Variants in OPCML observed in about 807,000 individuals in gnomAD.
OPCML encodes the protein opioid-binding protein/cell adhesion molecule.
OPCML carries 13 observed loss-of-function variants against 37.8 expected under a neutral mutation model. That is an observed-to-expected ratio of 0.34 (90% CI 0.22 to 0.55). The LOEUF is 0.55. Among genes scored for constraint, OPCML ranks in the 20% least tolerant of loss-of-function variants. The probability of loss-of-function intolerance (pLI) is 0.91; values close to 1 mark genes in which losing one functional copy is unlikely to be tolerated. For synonymous variants in OPCML, 176 were observed against 168.8 expected (o/e 1.04, Z -0.33); for missense variants, 341 against 435.6 (o/e 0.78, Z 1.93).
chr11:133,371,646 T>G (rs1421356297), intron 1 of OPCML, among the ~76,000 whole-genome samples: 2 of 152,210 alleles, frequency 1.3e-5, no homozygotes, highest in Non-Finnish European at 2.9e-5. Flanking sequence ...GCTTCCCCTT[T>G]GTCTTCTGCA....
At chr11:133,404,011 AAGTTCGAAGCCC>A (rs1945468887) in intron 1 of OPCML, among the ~76,000 whole-genome samples, 1 of 152,236 alleles carries the variant, frequency 6.6e-6, no homozygotes, top group Non-Finnish European at 1.5e-5. Flanking sequence ...TGGAGGCTGG[AAGTTCGAAGCCC>A]AGTTGTTTGC....
chr11:133,051,457 AG>A (rs1159905956), intron 1 of OPCML, among the ~76,000 whole-genome samples: 1 of 152,072 alleles, frequency 6.6e-6, no homozygotes, highest in Non-Finnish European at 1.5e-5. Context: ...CTTCCTGTTC[AG>A]GGTACTCACT....
intron 3 of OPCML, among the ~76,000 whole-genome samples, chr11:132,555,761 G>C (rs2096394087): frequency 6.6e-6 from 1 of 152,008 alleles, no homozygotes; most frequent in Non-Finnish European, 1.5e-5. Flanking sequence ...AGAATTCTGG[G>C]CCCATGTAGC....
In OPCML at chr11:132,593,475, C is replaced by T. The variant is rs532286809; in HGVS notation, c.379+63612G>A. On this transcript the variant is annotated intron_variant, in intron 3 of 7. Coordinates refer to ENST00000524381, the MANE Select transcript of OPCML (RefSeq NM_001012393.5). ...TAGACCACATTCAAGAATTTAACTG[C>T]GAAATAATTAAATATGTAGCCTCCT... 2.4e-4 allele frequency among the ~76,000 whole-genome samples: 37 copies of T among 152,138 alleles called. No homozygotes were observed. In the South Asian group the frequency reaches 5.8e-3, roughly 24 times the overall value.
At chr11:132,584,662 T>G (rs532276380) in intron 3 of OPCML, among the ~76,000 whole-genome samples, 1 of 152,300 alleles carries the variant, frequency 6.6e-6, no homozygotes, top group South Asian at 2.1e-4. Flanking sequence ...AGAGTGAAGA[T>G]GATCAGATCC....
chr11:133,349,686 G>A (rs1944083912), intron 1 of OPCML, among the ~76,000 whole-genome samples: 1 of 152,108 alleles, frequency 6.6e-6, no homozygotes. Flanking sequence ...TTCTGTCTGT[G>A]GCCACATTCC....
chr11:133,036,642 G>A (rs1159254889), intron 1 of OPCML, among the ~76,000 whole-genome samples: 3 of 152,320 alleles, frequency 2.0e-5, no homozygotes, highest in East Asian at 3.9e-4. Context: ...ATTCTATAGA[G>A]CATATGAAGC....
chr11:132,772,319 A>T, intron 2 of OPCML: 1 of 152,206 alleles, frequency 6.6e-6, no homozygotes, highest in Admixed American at 6.5e-5. Flanking sequence ...TATATGAAAA[A>T]ATCACACACC....
chr11:133,522,785 T>G (rs557946874), intron 1 of OPCML, among the ~76,000 whole-genome samples: 15 of 152,302 alleles, frequency 9.8e-5, no homozygotes, highest in Non-Finnish European at 1.9e-4. Context: ...CCCGAGTGCT[T>G]CATCTATAAA....
intron 2 of OPCML, among the ~76,000 whole-genome samples, chr11:132,710,175 G>A (rs544599210): frequency 3.3e-5 from 5 of 152,272 alleles, no homozygotes; most frequent in South Asian, 2.1e-4. Context: ...TGTATTTCAC[G>A]TAGAGCAAAT....
At chr11:132,686,581 C>A (rs1943166656) in intron 2 of OPCML, among the ~76,000 whole-genome samples, 1 of 152,196 alleles carries the variant, frequency 6.6e-6, no homozygotes, top group Admixed American at 6.5e-5. Context: ...CACATGGGTT[C>A]TCTGGAACCA....
chr11:133,059,965 T>C (rs141382520), intron 1 of OPCML, among the ~76,000 whole-genome samples: 103 of 152,334 alleles, frequency 6.8e-4, no homozygotes, highest in African/African-American at 2.3e-3. Context: ...TCTTTACAGC[T>C]GTTGATACTC....
intron 1 of OPCML, among the ~76,000 whole-genome samples, chr11:133,196,399 C>G (rs1938538338): frequency 6.6e-6 from 1 of 152,182 alleles, no homozygotes; most frequent in Admixed American, 6.5e-5. Context: ...CCCAGCGATC[C>G]TTTCAGAGGC....
At chr11:133,080,352 C>T (rs543523350) in intron 1 of OPCML, among the ~76,000 whole-genome samples, 2 of 152,190 alleles carry the variant, frequency 1.3e-5, no homozygotes, top group Admixed American at 6.5e-5. Flanking sequence ...GACACTACTG[C>T]GGCCGGTGTG....
intron 1 of OPCML, among the ~76,000 whole-genome samples, chr11:133,266,662 C>A (rs542306815): frequency 6.6e-6 from 1 of 152,282 alleles, no homozygotes; most frequent in African/African-American, 2.4e-5. Flanking sequence ...GGAGACAATT[C>A]TTGTCTTAAG....
At chr11:132,932,101 C>T (rs1377693963) in intron 2 of OPCML, among the ~76,000 whole-genome samples, 1 of 152,056 alleles carries the variant, frequency 6.6e-6, no homozygotes, top group East Asian at 1.9e-4. Flanking sequence ...AAAAGTAGTA[C>T]AATAGAATAG....
chr11:132,601,353 T>C (rs921641023), intron 3 of OPCML, among the ~76,000 whole-genome samples: 1 of 151,962 alleles, frequency 6.6e-6, no homozygotes, highest in Non-Finnish European at 1.5e-5. Flanking sequence ...ACAAACCAAT[T>C]CCCCACAGTT....
At chr11:132,836,739 T>C (rs551403152) in intron 2 of OPCML, among the ~76,000 whole-genome samples, 2 of 152,240 alleles carry the variant, frequency 1.3e-5, no homozygotes, top group African/African-American at 4.8e-5. Context: ...ACGGCATGAC[T>C]GAACAAGACA....
intron 1 of OPCML, among the ~76,000 whole-genome samples, chr11:133,354,292 C>CTGGTGGTGA (rs1944224119): frequency 1.5e-4 from 3 of 19,710 alleles, no homozygotes; most frequent in Admixed American, 5.0e-4. Context: ...GATGGTGGTG[C>CTGGTGGTGA]TGGTGGTGGT....
Sources: allele counts gnomAD v4.1 joint callset (sites outside exome capture counted in the v4.1 genomes callset), GRCh38; gene constraint gnomAD v4.1.1; transcripts MANE v1.5; gene names NCBI Gene and HGNC (gene_info 2026-07-23, HGNC 2026-07-21).